The following PARD3B variants were observed in gnomAD, a reference collection of about 807,000 sequenced individuals.
The protein encoded by PARD3B is par-3 family cell polarity regulator beta.
PARD3B carries 103 observed loss-of-function variants against 130.2 expected under a neutral mutation model. The observed-to-expected ratio is 0.79, with a 90% CI of 0.67 to 0.93. PARD3B has a LOEUF of 0.93. PARD3B is among the 40% of genes least tolerant of loss of function. The pLI, the probability that PARD3B is intolerant of heterozygous loss-of-function variation, is 0.00. For missense variants in PARD3B, 1,609 were observed against 1,499.2 expected, an observed-to-expected ratio of 1.07 and a Z score of -1.21; for synonymous variants, 583 against 553.2, an observed-to-expected ratio of 1.05 and a Z score of -0.76.
chr2:205,542,696 G>A (rs1268256567), intron 21 of PARD3B, among the ~76,000 whole-genome samples: 1 of 152,006 alleles, frequency 6.6e-6, no homozygotes, highest in Non-Finnish European at 1.5e-5. Flanking sequence ...TCATCTTATT[G>A]TATACGGTTC....
At chr2:205,394,643 G>C (rs1345396011) in intron 18 of PARD3B, among the ~76,000 whole-genome samples, 1 of 152,152 alleles carries the variant, frequency 6.6e-6, no homozygotes, top group Non-Finnish European at 1.5e-5. Context: ...AACTGCAATG[G>C]AATATTATTC....
chr2:204,718,734 G>T (rs1401103188), intron 2 of PARD3B, among the ~76,000 whole-genome samples: 9 of 152,186 alleles, frequency 5.9e-5, no homozygotes, highest in African/African-American at 2.2e-4. Flanking sequence ...GGGAGCAAGA[G>T]TACCAGCTTT....
At chr2:205,285,329 C>T (rs1247891929) in intron 16 of PARD3B, among the ~76,000 whole-genome samples, 1 of 152,116 alleles carries the variant, frequency 6.6e-6, no homozygotes, top group Non-Finnish European at 1.5e-5. Flanking sequence ...CAGAGCAAAA[C>T]ATCCATCCCA....
chr2:204,657,769 A>G (rs1270152378), intron 1 of PARD3B, among the ~76,000 whole-genome samples: 1 of 152,208 alleles, frequency 6.6e-6, no homozygotes, highest in Admixed American at 6.5e-5. Flanking sequence ...CTTAATTTTA[A>G]ATAGTATGTA....
intron 2 of PARD3B, among the ~76,000 whole-genome samples, chr2:204,901,033 T>C (rs764788539): frequency 6.6e-6 from 1 of 152,098 alleles, no homozygotes; most frequent in Non-Finnish European, 1.5e-5. Context: ...ACAAGGACCC[T>C]TGTGGCCATC....
intron 1 of PARD3B, among the ~76,000 whole-genome samples, chr2:204,629,566 T>A (rs928270565): frequency 2.0e-5 from 3 of 152,190 alleles, no homozygotes; most frequent in Non-Finnish European, 2.9e-5. Flanking sequence ...CTGCACATAC[T>A]TTTGTTCTCA....
At chr2:204,636,404 C>T (rs1445017181) in intron 1 of PARD3B, among the ~76,000 whole-genome samples, 1 of 151,016 alleles carries the variant, frequency 6.6e-6, no homozygotes, top group Non-Finnish European at 1.5e-5. Context: ...CTTTATTATC[C>T]TTATTTGGCT....
At chr2:205,279,084 A>AAAC (rs1553657207) in intron 16 of PARD3B, among the ~76,000 whole-genome samples, 65 of 149,842 alleles carry the variant, frequency 4.3e-4, no homozygotes, top group Non-Finnish European at 7.9e-4. Flanking sequence ...AAAAAAAAAA[A>AAAC]AAAAAAAAAA....
At chr2:205,423,148 T>C (rs370374446) in intron 19 of PARD3B, among the ~76,000 whole-genome samples, 16 of 152,216 alleles carry the variant, frequency 1.1e-4, no homozygotes, top group African/African-American at 3.9e-4. Context: ...GCAGACATCA[T>C]CTGGATTAGC....
chr2:205,228,001 A>T (rs937358425), intron 15 of PARD3B, among the ~76,000 whole-genome samples: 6 of 151,996 alleles, frequency 3.9e-5, no homozygotes, highest in Non-Finnish European at 8.8e-5. Flanking sequence ...CTTTAACTTC[A>T]TCCTCCTGCT....
chr2:205,521,285 T>C (rs2051039730), intron 21 of PARD3B, among the ~76,000 whole-genome samples: 1 of 152,056 alleles, frequency 6.6e-6, no homozygotes, highest in South Asian at 2.1e-4. Flanking sequence ...ATTGGCCATG[T>C]ATATTTCTTC....
Position 205,279,089 on chromosome 2 carries a change from A to AC in PARD3B, c.2186-21441_2186-21440insC, listed in dbSNP as rs1301230983. Among the ~76,000 whole-genome samples, 520 of 149,494 alleles carry AC rather than the reference A, an allele frequency of 3.5e-3. 9 individuals are homozygous for AC. Among genetic ancestry groups the AC allele is most frequent in the African/African-American group, 0.012 (495 of 39,870 alleles). ...CTGTCTCAAAAAAAAAAAAAAAAAA[A>AC]AAAAAAACAGTTGTTCATTGCCCAA... On this transcript the variant is annotated intron_variant, in intron 16 of 22. Coordinates refer to ENST00000406610, the MANE Select transcript of PARD3B (RefSeq NM_001302769.2).
rs965410175 is a variant in PARD3B at position 204,799,019 on chromosome 2, A to G, written c.222+112737A>G. On this transcript the variant is annotated intron_variant, in intron 2 of 22. Coordinates refer to ENST00000406610, the MANE Select transcript of PARD3B (RefSeq NM_001302769.2). This position sits in a 1 kb window ranked among gnomAD's most constrained non-coding sequence, Gnocchi z 4.1. ...GAAAGGAGAAGGAAGAGTAAAGGGG[A>G]CTTTTCCTTTACTCACCAGCTCAGC... 6.6e-6 allele frequency among the ~76,000 whole-genome samples: 1 copy of G among 151,746 alleles called. No individual in the cohort carries two copies. The highest frequency in any genetic ancestry group is 1.5e-5 in the Non-Finnish European group (1 of 67,964).
intron 2 of PARD3B, among the ~76,000 whole-genome samples, chr2:204,781,747 C>T: frequency 6.6e-6 from 1 of 152,034 alleles, no homozygotes; most frequent in East Asian, 1.9e-4. Flanking sequence ...TAACCAAGTC[C>T]AGTAGGTATG....
intron 19 of PARD3B, among the ~76,000 whole-genome samples, chr2:205,414,171 A>G (rs1178901420): frequency 6.6e-6 from 1 of 152,214 alleles, no homozygotes; most frequent in African/African-American, 2.4e-5. Flanking sequence ...TCAAGGAGGC[A>G]ATAGGACTAA....
chr2:205,615,662 G>T lies in PARD3B; in HGVS notation c.3467G>T (p.Arg1156Leu), dbSNP rs781110929. The T allele has an allele frequency of 2.5e-6, 4 of 1,613,630 alleles. No individual in the cohort carries two copies. Among genetic ancestry groups the T allele is most frequent in the African/African-American group, 1.3e-5 (1 of 74,750 alleles). ...GCTCCCCAGCACAAAGGACCCTTTC[G>T]ACAAGACGTTCCGCCTTCCCCTCCC... ...PPAPQHKGPFRQDVPPSPPQH... is the reference protein window; with the variant it reads ...PPAPQHKGPFLQDVPPSPPQH... The change falls in exon 23 of 23, where the codon CGA (arginine) becomes CTA (leucine). Residue 1156 changes from arginine (R) to leucine (L), a missense_variant. Physicochemically the swap from Arg to Leu is moderately radical, Grantham distance 102. Coordinates refer to ENST00000406610, the MANE Select transcript of PARD3B (RefSeq NM_001302769.2).
intron 3 of PARD3B, among the ~76,000 whole-genome samples, chr2:204,994,026 A>G (rs1271028951): frequency 0.014 from 2,083 of 150,568 alleles, 32 homozygotes; most frequent in African/African-American, 0.048. Context: ...CTTTCAAAAA[A>G]CCAGCTCCTG....
chr2:205,330,878 T>G (rs1559669206), intron 18 of PARD3B, among the ~76,000 whole-genome samples: 1 of 152,200 alleles, frequency 6.6e-6, no homozygotes, highest in Non-Finnish European at 1.5e-5. Flanking sequence ...TGTGGTTCCT[T>G]AGTCGTTTCT....
At chr2:205,217,729 T>G (rs1295173893) in intron 15 of PARD3B, among the ~76,000 whole-genome samples, 1 of 150,356 alleles carries the variant, frequency 6.7e-6, no homozygotes, top group Non-Finnish European at 1.5e-5. Context: ...CACACATACA[T>G]ATACACATAT....
Sources: gnomAD v4.1 joint callset for allele counts (sites outside exome capture counted in the v4.1 genomes callset) on GRCh38, gnomAD v4.1.1 for gene constraint, Gnocchi (gnomAD v3.1) non-coding constraint, MANE v1.5 for transcripts, NCBI Gene and HGNC (gene_info 2026-07-23, HGNC 2026-07-21) for gene names.